CDH19: variants seen among roughly 807,000 people sequenced by gnomAD.
CDH19 encodes cadherin 19.
CDH19 carries 67 observed loss-of-function variants against 64.2 expected under a neutral mutation model. That is an observed-to-expected ratio of 1.04 (90% CI 0.86 to 1.28). The LOEUF is 1.28. Ranked by LOEUF, CDH19 falls within the 50% of genes most tolerant of loss-of-function variation. The pLI is 0.00. For synonymous variants in CDH19, 346 were observed against 319.3 expected, an observed-to-expected ratio of 1.08 and a Z score of -0.89; for missense variants, 1,030 against 929.0, an observed-to-expected ratio of 1.11 and a Z score of -1.41.
chr18:66,520,563 T>G (rs1276337061), intron 9 of CDH19, among the ~76,000 whole-genome samples: 2 of 152,046 alleles, frequency 1.3e-5, no homozygotes, highest in African/African-American at 2.4e-5. Context: ...AGCATAATTT[T>G]AAGATCTGTA....
At chr18:66,511,978 A>G (rs1333025392) in intron 9 of CDH19, among the ~76,000 whole-genome samples, 1 of 151,526 alleles carries the variant, frequency 6.6e-6, no homozygotes, top group East Asian at 1.9e-4. Flanking sequence ...TTGCTTTTGT[A>G]TTACTCACAT....
At chr18:66,521,647 C>T (rs1985991211) in intron 9 of CDH19, among the ~76,000 whole-genome samples, 2 of 151,726 alleles carry the variant, frequency 1.3e-5, no homozygotes. Context: ...GTAATCCTCC[C>T]TCCTCAGCAT....
chr18:66,600,479 T>G (rs1374180920), intron 1 of CDH19, among the ~76,000 whole-genome samples: 1 of 151,926 alleles, frequency 6.6e-6, no homozygotes, highest in Non-Finnish European at 1.5e-5. Context: ...ATAAAAATCA[T>G]ATTTGTGAGT....
chr18:66,527,045 ATATGTG>A (rs1435164665), intron 9 of CDH19, among the ~76,000 whole-genome samples: 2 of 117,638 alleles, frequency 1.7e-5, no homozygotes, highest in African/African-American at 6.6e-5. Context: ...GTATATATAT[ATATGTG>A]TGTGTGTGTG....
intron 7 of CDH19, among the ~76,000 whole-genome samples, chr18:66,538,372 GGAGA>G (rs1986756891): frequency 6.6e-6 from 1 of 151,866 alleles, no homozygotes; most frequent in Admixed American, 6.6e-5. Flanking sequence ...TCTATATCTT[GGAGA>G]ATTCTCTGAA....
intron 2 of CDH19, among the ~76,000 whole-genome samples, chr18:66,570,837 C>T (rs895259393): frequency 5.3e-5 from 8 of 151,522 alleles, no homozygotes; most frequent in Non-Finnish European, 1.0e-4. Context: ...GGCCTGTGTT[C>T]CAATTACACT....
intron 1 of CDH19, among the ~76,000 whole-genome samples, chr18:66,584,267 G>A (rs1988510440): frequency 6.6e-6 from 1 of 152,084 alleles, no homozygotes; most frequent in Non-Finnish European, 1.5e-5. Flanking sequence ...TCACTTATTA[G>A]AGGAATGAAA....
intron 10 of CDH19, among the ~76,000 whole-genome samples, chr18:66,510,492 T>G (rs1289814948): frequency 6.8e-6 from 1 of 147,684 alleles, no homozygotes; most frequent in Non-Finnish European, 1.5e-5. Context: ...TTAGATTCAT[T>G]TATATTAATA....
chr18:66,554,517 T>G lies in CDH19; in HGVS notation c.498A>C (p.Leu166Phe). 1 of 1,610,688 alleles carries G rather than the reference T, an allele frequency of 6.2e-7. No individual in the cohort carries two copies. Among genetic ancestry groups the G allele is most frequent in the Non-Finnish European group, 8.5e-7 (1 of 1,177,644 alleles). Residue 166 changes from leucine (L) to phenylalanine (F), a missense_variant, in exon 4 of 12, where the codon TTA (leucine) becomes TTC (phenylalanine). Leu to Phe is a conservative substitution (Grantham distance 22). Transcript: ENST00000262150. ...CATCACTTGCTGTCACCTGGATAAC[T>G]AATGTTCCTAAAGAGAACATAATAC... is the stretch of plus-strand genomic sequence containing the variant. ...IVPEMSPEGT[L>F]VIQVTASDAD...
intron 1 of CDH19, among the ~76,000 whole-genome samples, chr18:66,582,211 C>T (rs1402929441): frequency 6.6e-6 from 1 of 151,800 alleles, no homozygotes; most frequent in African/African-American, 2.4e-5. Context: ...TAATTTTTCC[C>T]CTTGTTCTAA....
chr18:66,548,902 G>A (rs1329147874), intron 5 of CDH19, among the ~76,000 whole-genome samples: 1 of 152,098 alleles, frequency 6.6e-6, no homozygotes, highest in Non-Finnish European at 1.5e-5. Context: ...AACATGTTTC[G>A]ATGTGATAGA....
chr18:66,588,626 C>A (rs117345840), intron 1 of CDH19, among the ~76,000 whole-genome samples: 20,169 of 103,048 alleles, frequency 0.2, 3,611 homozygotes, highest in Non-Finnish European at 0.28. Context: ...ATATCTATAT[C>A]TATATATATA....
At chr18:66,537,867 G>T (rs556287854) in intron 7 of CDH19, among the ~76,000 whole-genome samples, 1 of 151,970 alleles carries the variant, frequency 6.6e-6, no homozygotes, top group Non-Finnish European at 1.5e-5. Flanking sequence ...ATACCCATGC[G>T]TACAAACACA....
intron 1 of CDH19, among the ~76,000 whole-genome samples, chr18:66,580,536 A>C (rs1259125930): frequency 6.6e-6 from 1 of 152,170 alleles, no homozygotes; most frequent in East Asian, 1.9e-4. Flanking sequence ...AAATAAGTGA[A>C]ATTTGTCTAA....
Position 66,503,660 on chromosome 18 carries a change from T to C in CDH19, c.*1152A>G, listed in dbSNP as rs1020385366. 10 of 151,892 alleles carry C rather than the reference T, an allele frequency of 6.6e-5. No individual in the cohort carries two copies. The East Asian group carries it at 1.9e-3, about 29-fold the overall frequency. 9.4% of individuals were successfully genotyped at this position (151,892 alleles called of 1,614,324 possible). ...ACATAAGAATGTGTTTTGAGTTGCA[T>C]ATGAAAAAAAATCTATGACAAACAC... is the stretch of plus-strand genomic sequence containing the variant. On this transcript the variant is annotated 3_prime_UTR_variant, in exon 12 of 12. Transcript: ENST00000262150.
chr18:66,593,919 G>C (rs1249520594), intron 1 of CDH19, among the ~76,000 whole-genome samples: 1 of 152,084 alleles, frequency 6.6e-6, no homozygotes, highest in East Asian at 1.9e-4. Flanking sequence ...ATAGCAATGA[G>C]AGGTTTGGAG....
At chr18:66,549,731 C>A (rs778181744) in intron 5 of CDH19, among the ~76,000 whole-genome samples, 1 of 152,082 alleles carries the variant, frequency 6.6e-6, no homozygotes, top group Non-Finnish European at 1.5e-5. Context: ...GATAACCTTG[C>A]ATATGTTGGC....
chr18:66,548,457 C>G (rs1388746858), intron 5 of CDH19, among the ~76,000 whole-genome samples: 1 of 149,130 alleles, frequency 6.7e-6, no homozygotes, highest in Admixed American at 6.7e-5. Flanking sequence ...GATCAAAGGC[C>G]TGACTCACAA....
At chr18:66,599,656 G>T (rs1304397008) in intron 1 of CDH19, among the ~76,000 whole-genome samples, 2 of 151,850 alleles carry the variant, frequency 1.3e-5, no homozygotes, top group Admixed American at 1.3e-4. Context: ...ATCAGTTTAT[G>T]TCTCATAAAT....
Sources: allele counts gnomAD v4.1 joint callset (sites outside exome capture counted in the v4.1 genomes callset), GRCh38; gene constraint gnomAD v4.1.1; transcripts MANE v1.5; gene names NCBI Gene and HGNC (gene_info 2026-07-23, HGNC 2026-07-21).